Variants in COL9A3 observed in about 807,000 individuals in gnomAD.
COL9A3 encodes the protein collagen type IX alpha 3 chain, also known as collagen alpha-3(IX) chain.
COL9A3 carries 82 observed loss-of-function variants against 110.2 expected under a neutral mutation model. The ratio of observed to expected loss-of-function variants is 0.74; its 90% CI spans 0.62 to 0.89. The LOEUF is 0.89. COL9A3 is among the 40% of genes least tolerant of loss of function. COL9A3 has a pLI of 0.00. For synonymous variants in COL9A3, 494 were observed against 403.8 expected, an observed-to-expected ratio of 1.22 and a Z score of -2.68; for missense variants, 1,066 against 981.3, an observed-to-expected ratio of 1.09 and a Z score of -1.15.
At chr20:62,838,894 GA>G in intron 31 of COL9A3, 133 bp downstream of exon 31, 1 of 799,946 alleles carries the variant, frequency 1.3e-6, no homozygotes, top group Non-Finnish European at 2.1e-6. Context: ...TTAGAGACAA[GA>G]TTAGGAATTG....
rs772333597 is a variant in COL9A3, at chr20:62,822,181, G to A, written c.477+17G>A. 2 of 1,521,556 alleles carry A rather than the reference G, an allele frequency of 1.3e-6. No individual in the cohort carries two copies. The highest frequency in any genetic ancestry group is 1.7e-5 in the Admixed American group (1 of 59,828). The allele number at this position is 1,521,556 out of a possible 1,614,324, so 94.3% of individuals were successfully genotyped here. Reference sequence around the variant, plus strand: ...GGACCCCCTGTAAGTACTGGGCAGAGGCTCTAAGAAGTGCTGGGCATGGAC... The same window carrying A: ...GGACCCCCTGTAAGTACTGGGCAGAAGCTCTAAGAAGTGCTGGGCATGGAC... On this transcript the variant is annotated intron_variant, in intron 9 of 31. Coordinates refer to ENST00000649368, the MANE Select transcript of COL9A3 (RefSeq NM_001853.4).
intron 26 of COL9A3, among the ~76,000 whole-genome samples, chr20:62,833,814 C>G (rs1382278860): frequency 2.6e-5 from 4 of 152,186 alleles, no homozygotes; most frequent in African/African-American, 9.7e-5. Flanking sequence ...TTTCCTGCCT[C>G]AGCCTCCTGA....
At chr20:62,826,380 C>T in intron 14 of COL9A3, 123 bp downstream of exon 14, 1 of 934,466 alleles carries the variant, frequency 1.1e-6, no homozygotes, top group Non-Finnish European at 1.6e-6. Context: ...TGGCTCTGGC[C>T]ATCGCCACTG....
intron 26 of COL9A3, among the ~76,000 whole-genome samples, chr20:62,833,911 G>A (rs568731039): frequency 1.3e-5 from 2 of 150,714 alleles, no homozygotes; most frequent in Admixed American, 6.6e-5. Context: ...ATGGAGTCTC[G>A]CTCTTTCGCC....
intron 12 of COL9A3, 22 bp from the exon 13 acceptor site, chr20:62,825,795 C>G (rs1171103483): frequency 6.4e-7 from 1 of 1,551,434 alleles, no homozygotes; most frequent in Non-Finnish European, 8.7e-7. Context: ...GGCCGCTGAC[C>G]ACCCTATCCC....
intron 22 of COL9A3, among the ~76,000 whole-genome samples, chr20:62,830,117 G>A (rs2063583924): frequency 1.3e-5 from 2 of 152,140 alleles, no homozygotes; most frequent in African/African-American, 4.8e-5. Context: ...GGAGCCAGGG[G>A]CATGGGTGCC....
chr20:62,831,943 A>C (rs1292752019), intron 24 of COL9A3: 2 of 637,276 alleles, frequency 3.1e-6, no homozygotes, highest in Non-Finnish European at 5.7e-6. Context: ...TTCACTACCC[A>C]CAAGGGGAGG....
chr20:62,826,510 C>A (rs2063554290), intron 14 of COL9A3, among the ~76,000 whole-genome samples: 1 of 152,176 alleles, frequency 6.6e-6, no homozygotes, highest in Non-Finnish European at 1.5e-5. Flanking sequence ...CACGCGTGTG[C>A]CCGGGCGAGG....
chr20:62,836,119 A>C lies in COL9A3; in HGVS notation c.1402-68A>C, dbSNP rs561505587. ...AAGACGGCTCCGTGCCGGCTGGGAA[A>C]GAGCACGTCGGGGTGGCTCTGGGCT... On this transcript the variant is annotated intron_variant, in intron 27 of 31. Transcript: ENST00000649368. 2.2e-3 allele frequency: 3,470 copies of C among 1,606,198 alleles called. 7 individuals carry two copies. Among genetic ancestry groups the C allele is most frequent in the Non-Finnish European group, 2.2e-3 (2,590 of 1,176,522 alleles).
At chr20:62,834,478 C>G (rs529257741) in intron 26 of COL9A3, among the ~76,000 whole-genome samples, 3 of 152,150 alleles carry the variant, frequency 2.0e-5, no homozygotes, top group African/African-American at 7.2e-5. Context: ...CTGGCTTTCC[C>G]GAGGGGGGTT....
At position 62,822,130 on chromosome 20, in the gene COL9A3, GCCT is replaced by G. The variant is rs1406851067; in HGVS notation, c.446_448del (p.Leu149del). ...CCCCAGGGACCTTCTGGACTCCCCG[GCCT>G]CCCTGGTCCCCCAGGACCTCCCGGA... On this transcript the variant is annotated inframe_deletion, in exon 9 of 32. Transcript: ENST00000649368. 11 of 1,587,648 alleles carry G rather than the reference GCCT, an allele frequency of 6.9e-6. No individual in the cohort carries two copies. In the East Asian group the frequency reaches 2.5e-4, roughly 35 times the overall value.
intron 17 of COL9A3, 99 bp from the exon 18 acceptor site, chr20:62,828,665 T>C: frequency 7.4e-7 from 1 of 1,351,310 alleles, no homozygotes; most frequent in Non-Finnish European, 1.0e-6. Context: ...GCAGACACAG[T>C]TTTAGGTTGA....
rs1363995869 is a variant in COL9A3 at position 62,827,970 on chromosome 20, A to G, written c.894A>G (p.Gly298=). The stretch of plus-strand genomic sequence containing the variant: ...CCCCCGGAGTGGCCGGGCCAAGCGG[A>G]GAGCCGGTGAGTGCACGTGGCTGCT... The part of the protein sequence containing the change: ...KGTPGVAGPS[G]EPGMPGKDGQ... Residue 298 remains glycine, a synonymous_variant, in exon 17 of 32, where the codon GGA becomes GGG. Coordinates refer to ENST00000649368, the MANE Select transcript of COL9A3 (RefSeq NM_001853.4). 4 of 1,612,732 alleles carry G rather than the reference A, an allele frequency of 2.5e-6. No homozygotes were observed. Among genetic ancestry groups the G allele is most frequent in the Non-Finnish European group, 3.4e-6 (4 of 1,179,964 alleles).
chr20:62,831,945 AAGGGG>A (rs1431144801), intron 24 of COL9A3: 3 of 639,294 alleles, frequency 4.7e-6, no homozygotes, highest in Non-Finnish European at 8.6e-6. Flanking sequence ...CACTACCCAC[AAGGGG>A]AGGCTGGACA....
At position 62,837,096 on chromosome 20, in the gene COL9A3, G is replaced by C. The variant is rs1292489545; in HGVS notation, c.1617G>C (p.Gln539His). ...CGGMISEQIA[Q>H]LAAHLRKPLA... ...GTTTTCCCAAAGAACAAATTGCACA[G>C]TTAGCCGCGCACCTAAGGAAGCCTT... The change falls in exon 30 of 32, where the codon CAG (glutamine) becomes CAC (histidine). Residue 539 changes from glutamine to histidine, a missense_variant. Physicochemically the swap from Gln to His is conservative, Grantham distance 24 (BLOSUM62 0). Transcript: ENST00000649368. The C allele has an allele frequency of 6.2e-7, 1 of 1,613,240 alleles. No individual in the cohort carries two copies. Among genetic ancestry groups the C allele is most frequent in the Non-Finnish European group, 8.5e-7 (1 of 1,180,030 alleles).
At chr20:62,826,106 ACCAGGGCTC>A (rs2063549861) in intron 13 of COL9A3, 89 bp from the exon 14 acceptor site, 11 of 1,338,810 alleles carry the variant, frequency 8.2e-6, no homozygotes, top group South Asian at 1.3e-5. Context: ...CATGGAAGAC[ACCAGGGCTC>A]CCAGGGGTAC....
chr20:62,838,918 C>CT (rs943051100), intron 31 of COL9A3, among the ~76,000 whole-genome samples, 157 bp downstream of exon 31: 4 of 152,190 alleles, frequency 2.6e-5, no homozygotes, highest in Non-Finnish European at 5.9e-5. Flanking sequence ...TCAATAACCA[C>CT]TTTAATACAT....
rs995458765 is a variant in COL9A3, at chr20:62,830,511, C to T, written c.1216-6C>T. 1.2e-6 allele frequency: 2 copies of T among 1,607,890 alleles called. No homozygotes were observed. Among genetic ancestry groups the T allele is most frequent in the Non-Finnish European group, 8.5e-7 (1 of 1,178,220 alleles). On this transcript the variant is annotated splice_polypyrimidine_tract_variant and splice_region_variant and intron_variant, in intron 23 of 31. Transcript: ENST00000649368. ...GGCACTGACGAGCCAGGACCTCCTT[C>T]CCCAGGGCCAGAAGGGCAGCATGGG...
chr20:62,837,790 G>A lies in COL9A3; in HGVS notation c.1786+525G>A, dbSNP rs549029755. On this transcript the variant is annotated intron_variant, in intron 30 of 31. Transcript: ENST00000649368. ...CCATTGCACTCCAGCTTGGGCGACA[G>A]AGCGAGACTCCGTCTCCATAAAAGA... Among the ~76,000 whole-genome samples, 6 of 150,686 alleles carry A rather than the reference G, an allele frequency of 4.0e-5. No homozygotes were observed. In the East Asian group the frequency reaches 5.9e-4, roughly 15 times the overall value.
Sources: allele counts gnomAD v4.1 joint callset (sites outside exome capture counted in the v4.1 genomes callset), GRCh38; gene constraint gnomAD v4.1.1; transcripts MANE v1.5; gene names NCBI Gene and HGNC (gene_info 2026-07-23, HGNC 2026-07-21).